TESC: variants seen among roughly 807,000 people sequenced by gnomAD.
The protein encoded by TESC is tescalcin.
TESC carries 19 observed loss-of-function variants against 31.0 expected under a neutral mutation model. The observed-to-expected ratio is 0.61, with a 90% CI of 0.43 to 0.90. The LOEUF is 0.90. TESC is among the 40% of genes least tolerant of loss of function. TESC has a pLI of 0.00. For synonymous variants in TESC, 109 were observed against 114.8 expected, an observed-to-expected ratio of 0.95 and a Z score of 0.32; for missense variants, 248 against 303.8, an observed-to-expected ratio of 0.82 and a Z score of 1.36.
intron 4 of TESC, among the ~76,000 whole-genome samples, chr12:117,047,493 G>A (rs1396899051): frequency 6.6e-6 from 1 of 151,950 alleles, no homozygotes; most frequent in Non-Finnish European, 1.5e-5. Flanking sequence ...GGCACGATCT[G>A]GGCTCTCTGC....
chr12:117,062,466 C>T (rs1384670965), intron 2 of TESC, among the ~76,000 whole-genome samples: 2 of 152,178 alleles, frequency 1.3e-5, no homozygotes, highest in Non-Finnish European at 2.9e-5. Flanking sequence ...AGGTGATCTG[C>T]CCTCCTCAGC....
At chr12:117,075,075 G>A (rs1199324042) in intron 2 of TESC, among the ~76,000 whole-genome samples, 196 bp downstream of exon 2, 1 of 152,226 alleles carries the variant, frequency 6.6e-6, no homozygotes, top group Non-Finnish European at 1.5e-5. Context: ...GAACCCAGGA[G>A]GCAGAGCTTG....
At chr12:117,064,189 T>C (rs1338696865) in intron 2 of TESC, among the ~76,000 whole-genome samples, 1 of 152,178 alleles carries the variant, frequency 6.6e-6, no homozygotes, top group Non-Finnish European at 1.5e-5. Context: ...AGTGCTGGCA[T>C]TACAGAACCT....
chr12:117,089,411 C>A (rs1486808214), intron 1 of TESC, among the ~76,000 whole-genome samples: 1 of 152,024 alleles, frequency 6.6e-6, no homozygotes, highest in East Asian at 1.9e-4. Context: ...AATCAAAAAA[C>A]CAAACCATAC....
At chr12:117,049,478 T>C (rs983811919) in intron 3 of TESC, among the ~76,000 whole-genome samples, 3 of 152,184 alleles carry the variant, frequency 2.0e-5, no homozygotes, top group African/African-American at 4.8e-5. Flanking sequence ...CCAGCACTTA[T>C]GAAGAAACCA....
chr12:117,078,041 G>A (rs569210060), intron 1 of TESC, among the ~76,000 whole-genome samples: 10 of 152,170 alleles, frequency 6.6e-5, no homozygotes, highest in Non-Finnish European at 1.3e-4. Flanking sequence ...TTTTAAAATT[G>A]TAATTCCACT....
In TESC at chr12:117,099,356, G is replaced by A. The variant is rs766054299; in HGVS notation, c.-74C>T. 221 of 1,324,236 alleles carry A rather than the reference G, an allele frequency of 1.7e-4. 1 individual carries two copies. In the Middle Eastern group the frequency reaches 1.7e-3, roughly 10 times the overall value. The allele number at this position is 1,324,236 out of a possible 1,614,324, so 82.0% of individuals were successfully genotyped here. ...ACTGGCTTCGGCTGCGCAGCGGCGGGACTGGCCTCGGGTCCGGCCTCGGGT... is the reference window on the plus strand; with the variant it reads ...ACTGGCTTCGGCTGCGCAGCGGCGGAACTGGCCTCGGGTCCGGCCTCGGGT... On this transcript the variant is annotated 5_prime_UTR_variant, in exon 1 of 8. Transcript: ENST00000335209.
chr12:117,049,391 A>C (rs572125124), intron 3 of TESC, among the ~76,000 whole-genome samples: 2 of 152,306 alleles, frequency 1.3e-5, no homozygotes, highest in African/African-American at 4.8e-5. Context: ...GGGAGGTGGA[A>C]GAGAGAGAGA....
At chr12:117,075,864 T>TTTTTTTTTTTTTTAGA (rs1955048378) in intron 1 of TESC, among the ~76,000 whole-genome samples, 1 of 46,004 alleles carries the variant, frequency 2.2e-5, no homozygotes, top group African/African-American at 1.0e-4. Context: ...TATATATATA[T>TTTTTTTTTTTTTTAGA]ATATATGTGT....
At chr12:117,073,434 G>A (rs192754194) in intron 2 of TESC, among the ~76,000 whole-genome samples, 123 of 151,602 alleles carry the variant, frequency 8.1e-4, no homozygotes, top group Admixed American at 3.9e-3. Context: ...CAATCAAACT[G>A]AGACCAGAGG....
At chr12:117,044,344 C>A (rs1017769831) in intron 6 of TESC, among the ~76,000 whole-genome samples, 5 of 152,172 alleles carry the variant, frequency 3.3e-5, no homozygotes, top group Non-Finnish European at 7.3e-5. Flanking sequence ...CAGCCCTGTC[C>A]CTAATGGCTC....
At chr12:117,059,389 C>T (rs1019639346) in intron 2 of TESC, among the ~76,000 whole-genome samples, 2 of 152,190 alleles carry the variant, frequency 1.3e-5, no homozygotes, top group Non-Finnish European at 2.9e-5. Flanking sequence ...TCACTCATGG[C>T]CTCTGGCCAA....
At chr12:117,074,180 C>T (rs1218224991) in intron 2 of TESC, among the ~76,000 whole-genome samples, 2 of 151,990 alleles carry the variant, frequency 1.3e-5, no homozygotes, top group African/African-American at 4.8e-5. Flanking sequence ...AGCAACATAG[C>T]AAGACCCTGC....
At chr12:117,051,501 C>G (rs1385056799) in intron 3 of TESC, among the ~76,000 whole-genome samples, 1 of 152,174 alleles carries the variant, frequency 6.6e-6, no homozygotes, top group South Asian at 2.1e-4. Flanking sequence ...AAGCTCCCCA[C>G]CGCTCCTGCC....
intron 1 of TESC, among the ~76,000 whole-genome samples, chr12:117,092,636 T>C (rs923103992): frequency 6.6e-6 from 1 of 152,062 alleles, no homozygotes; most frequent in Non-Finnish European, 1.5e-5. Flanking sequence ...TCCTTCCCCC[T>C]GGTTTCACGG....
chr12:117,047,177 C>T (rs1297251511), intron 4 of TESC, among the ~76,000 whole-genome samples: 6 of 152,246 alleles, frequency 3.9e-5, no homozygotes, highest in African/African-American at 7.2e-5. Context: ...AAGCGTTACC[C>T]GTTAACACAA....
At chr12:117,059,750 G>T (rs1398021406) in intron 2 of TESC, among the ~76,000 whole-genome samples, 1 of 152,056 alleles carries the variant, frequency 6.6e-6, no homozygotes, top group Non-Finnish European at 1.5e-5. Context: ...GTGCTACCAC[G>T]CCCAGCTAAC....
rs1338026023 is a variant in TESC, at chr12:117,081,778, C to G, written c.59-6438G>C. Among the ~76,000 whole-genome samples the G allele has an allele frequency of 3.9e-5, 6 of 152,050 alleles. No individual in the cohort carries two copies. In the South Asian group the frequency reaches 1.0e-3, roughly 26 times the overall value. On this transcript the variant is annotated intron_variant, in intron 1 of 7. Coordinates refer to ENST00000335209, the MANE Select transcript of TESC (RefSeq NM_017899.4). ...AATTAGCTGGGTGTGGTGGTGCATG[C>G]CTGTAATCCCAACTACTCAGGAGGC... is the stretch of plus-strand genomic sequence containing the variant.
chr12:117,091,382 C>T (rs1202948694), intron 1 of TESC, among the ~76,000 whole-genome samples: 1 of 152,234 alleles, frequency 6.6e-6, no homozygotes, highest in African/African-American at 2.4e-5. Flanking sequence ...CTTATCAACA[C>T]CCAGGTTATT....
Sources: allele counts gnomAD v4.1 joint callset (sites outside exome capture counted in the v4.1 genomes callset), GRCh38; gene constraint gnomAD v4.1.1; transcripts MANE v1.5; gene names NCBI Gene and HGNC (gene_info 2026-07-23, HGNC 2026-07-21).